Variants in DPP8 observed in about 807,000 individuals in gnomAD.
DPP8 encodes DPP VIII.
In DPP8, 31 loss-of-function variants were observed where a neutral mutation model predicts 107.5. The ratio of observed to expected loss-of-function variants is 0.29; its 90% CI spans 0.22 to 0.39. DPP8 has a LOEUF of 0.39. Among genes scored for constraint, DPP8 ranks in the 10% least tolerant of loss-of-function variants. The probability of loss-of-function intolerance (pLI) is 1.00; values close to 1 mark genes in which losing one functional copy is unlikely to be tolerated. For synonymous variants in DPP8, 381 were observed against 356.6 expected (o/e 1.07, Z -0.77); for missense variants, 842 against 1,076.1 (o/e 0.78, Z 3.04).
At chr15:65,450,920 T>C (rs1210871161) in intron 19 of DPP8, 79 bp downstream of exon 19, 4 of 915,230 alleles carry the variant, frequency 4.4e-6, no homozygotes, top group East Asian at 4.9e-5. Flanking sequence ...AATCTGGACT[T>C]ACCCCACAGC....
At chr15:65,499,927 T>G (rs1204418803) in intron 4 of DPP8, among the ~76,000 whole-genome samples, 5 of 152,052 alleles carry the variant, frequency 3.3e-5, no homozygotes, top group Non-Finnish European at 5.9e-5. Context: ...AGATAAGGTT[T>G]TGGTCTGTCA....
At chr15:65,501,991 G>T (rs1699326621) in intron 3 of DPP8, among the ~76,000 whole-genome samples, 1 of 152,186 alleles carries the variant, frequency 6.6e-6, no homozygotes, top group Admixed American at 6.6e-5. Flanking sequence ...CTGGATTCAG[G>T]TGATTCTCAT....
intron 7 of DPP8, among the ~76,000 whole-genome samples, chr15:65,486,897 G>A (rs906964264): frequency 6.6e-6 from 1 of 152,032 alleles, no homozygotes. Context: ...CTCGGGTGAC[G>A]GGTGCACCAA....
chr15:65,511,673 T>C (rs1452565642), intron 2 of DPP8, among the ~76,000 whole-genome samples: 2 of 145,986 alleles, frequency 1.4e-5, no homozygotes, highest in Non-Finnish European at 3.0e-5. Context: ...AATTATGACA[T>C]GAACTCATGC....
At chr15:65,507,215 T>C in intron 3 of DPP8, 28 bp downstream of exon 3, 1 of 1,352,316 alleles carries the variant, frequency 7.4e-7, no homozygotes, top group Non-Finnish European at 1.0e-6. Context: ...ATACACCAAA[T>C]CATAGGAATA....
rs2065107336 is a variant in DPP8, at chr15:65,463,744, T to C, written c.1971+17A>G. ...ATGCATATGGGTGTATGTATATATG[T>C]ATATAAATATGCCCACCTGAGGACC... On this transcript the variant is annotated intron_variant, in intron 15 of 19. Transcript: ENST00000300141. 2 of 1,594,802 alleles carry C rather than the reference T, an allele frequency of 1.3e-6. No homozygotes were observed. Among genetic ancestry groups the C allele is most frequent in the Non-Finnish European group, 1.7e-6 (2 of 1,163,564 alleles).
chr15:65,466,831 A>C lies in DPP8; in HGVS notation c.1690-18T>G. The C allele has an allele frequency of 6.2e-7, 1 of 1,602,552 alleles. No individual in the cohort carries two copies. The highest frequency in any genetic ancestry group is 8.5e-7 in the Non-Finnish European group (1 of 1,175,852). ...TCACAGTGCTAGAGAAAGGAGAAACAATTATATTTTTCGTCAGGAAGGTAG... is the reference window on the plus strand; with the variant it reads ...TCACAGTGCTAGAGAAAGGAGAAACCATTATATTTTTCGTCAGGAAGGTAG... On this transcript the variant is annotated intron_variant, in intron 13 of 19. Transcript: ENST00000300141.
intron 10 of DPP8, among the ~76,000 whole-genome samples, chr15:65,479,307 C>T (rs986744172): frequency 6.6e-6 from 1 of 152,042 alleles, no homozygotes; most frequent in Non-Finnish European, 1.5e-5. Context: ...TACTCAACAT[C>T]TCTATAATCC....
At position 65,454,347 on chromosome 15, in the gene DPP8, G is replaced by A; in HGVS notation, c.2187C>T (p.Asp729=). ...QYLASRYDFI[D]LDRVGIHGWS... is the part of the protein sequence containing the mutation. Reference sequence around the variant, plus strand: ...AGCCGTGGATGCCCACACGATCTAAGTCAATGAAATCATATCGAGAAGCTA... The same window carrying A: ...AGCCGTGGATGCCCACACGATCTAAATCAATGAAATCATATCGAGAAGCTA... Residue 729 remains aspartate, a synonymous_variant, in exon 17 of 20, where the codon GAC becomes GAT. Coordinates refer to ENST00000300141, the MANE Select transcript of DPP8 (RefSeq NM_130434.5). 6.2e-7 allele frequency: 1 copy of A among 1,605,238 alleles called. No homozygotes were observed. The highest frequency in any genetic ancestry group is 1.3e-5 in the African/African-American group (1 of 74,314).
intron 14 of DPP8, among the ~76,000 whole-genome samples, chr15:65,464,212 A>G (rs1595896368): frequency 6.6e-6 from 1 of 152,020 alleles, no homozygotes; most frequent in Non-Finnish European, 1.5e-5. Context: ...AAATACAAAA[A>G]ATTAGCTGGG....
intron 1 of DPP8, among the ~76,000 whole-genome samples, chr15:65,514,135 C>T (rs996331932): frequency 2.6e-5 from 4 of 152,168 alleles, no homozygotes; most frequent in African/African-American, 7.2e-5. Flanking sequence ...ATTAAGCACA[C>T]GTTACTGGCA....
In DPP8 at chr15:65,507,326, G is replaced by A; in HGVS notation, c.289C>T (p.Leu97=). 4 of 1,610,950 alleles carry A rather than the reference G, an allele frequency of 2.5e-6. No homozygotes were observed. Among genetic ancestry groups the A allele is most frequent in the Non-Finnish European group, 3.4e-6 (4 of 1,177,596 alleles). Residue 97 remains leucine, a synonymous_variant, in exon 3 of 20, where the codon CTG becomes TTG. Transcript: ENST00000300141. ...GTTTTGGGAATTTCAGAATAAAACA[G>A]TGTATTTTCTCTGTTCTCACCAGAC... ...AMSGENRENT[L]FYSEIPKTIN...
At chr15:65,516,149 ATTTATT>A (rs1381772100) in intron 1 of DPP8, 1 of 199,386 alleles carries the variant, frequency 5.0e-6, no homozygotes, top group East Asian at 1.2e-4. Flanking sequence ...GATTAATAAA[ATTTATT>A]TTTATGTGCC....
intron 1 of DPP8, chr15:65,515,695 A>C (rs1440693126): frequency 5.0e-6 from 8 of 1,613,594 alleles, no homozygotes; most frequent in Non-Finnish European, 2.5e-6. Context: ...TTCCACATTC[A>C]AAGAGATCTT....
intron 9 of DPP8, 41 bp downstream of exon 9, chr15:65,481,474 C>A (rs1338963413): frequency 7.5e-7 from 1 of 1,327,190 alleles, no homozygotes; most frequent in Non-Finnish European, 1.1e-6. Context: ...AGCTCTGGAT[C>A]CTAAATTAGT....
At position 65,459,745 on chromosome 15, in the gene DPP8, AG is replaced by A. The variant is rs1357159641; in HGVS notation, c.1972-3375del. Reference sequence around the variant, plus strand: ...CGAGGTGGGTAGATCACCTGAGGTCAGGAGTTCGAGACCATCTTGGCCAACA... The same window carrying A: ...CGAGGTGGGTAGATCACCTGAGGTCAGAGTTCGAGACCATCTTGGCCAACA... On this transcript the variant is annotated intron_variant, in intron 15 of 19. Coordinates refer to ENST00000300141, the MANE Select transcript of DPP8 (RefSeq NM_130434.5). Among the ~76,000 whole-genome samples the A allele has an allele frequency of 3.3e-5, 5 of 152,284 alleles. No individual in the cohort carries two copies. The East Asian group carries it at 9.7e-4, about 30-fold the overall frequency.
intron 8 of DPP8, 151 bp from the exon 9 acceptor site, chr15:65,481,766 T>A: frequency 2.0e-6 from 1 of 505,234 alleles, no homozygotes; most frequent in South Asian, 3.1e-5. Context: ...AATCTAGAAG[T>A]AAATTCTGGG....
intron 5 of DPP8, among the ~76,000 whole-genome samples, chr15:65,490,713 C>G (rs977283932): frequency 6.6e-6 from 1 of 152,140 alleles, no homozygotes; most frequent in Non-Finnish European, 1.5e-5. Context: ...TATTTTAGAC[C>G]TAGAGTGAAT....
At chr15:65,483,323 A>C (rs2067103560) in intron 8 of DPP8, among the ~76,000 whole-genome samples, 1 of 151,924 alleles carries the variant, frequency 6.6e-6, no homozygotes, top group Non-Finnish European at 1.5e-5. Context: ...CCAGGAGTGC[A>C]AGACCAGCCT....
Sources: gnomAD v4.1 joint callset for allele counts (sites outside exome capture counted in the v4.1 genomes callset) on GRCh38, gnomAD v4.1.1 for gene constraint, MANE v1.5 for transcripts, NCBI Gene and HGNC (gene_info 2026-07-23, HGNC 2026-07-21) for gene names.